Variants in PPFIA2 observed in about 807,000 individuals in gnomAD.
PPFIA2 encodes the protein liprin-alpha-2.
PPFIA2 carries 46 observed loss-of-function variants against 175.5 expected under a neutral mutation model. The ratio of observed to expected loss-of-function variants is 0.26; its 90% CI spans 0.21 to 0.34. The LOEUF (loss-of-function observed/expected upper bound fraction) is 0.34. Ranked by LOEUF, PPFIA2 falls within the 10% of genes least tolerant of loss-of-function variation. The pLI is 1.00. For missense variants in PPFIA2, 1,179 were observed against 1,506.1 expected, an observed-to-expected ratio of 0.78 and a Z score of 3.60; for synonymous variants, 568 against 511.4, an observed-to-expected ratio of 1.11 and a Z score of -1.49.
chr12:81,395,791 C>G (rs931209164), intron 8 of PPFIA2, among the ~76,000 whole-genome samples: 2 of 152,034 alleles, frequency 1.3e-5, no homozygotes, highest in Non-Finnish European at 2.9e-5. Context: ...CCTGCACAGT[C>G]TTTCCCCTTA....
chr12:81,445,301 T>C (rs1357255512), intron 6 of PPFIA2, among the ~76,000 whole-genome samples: 1 of 151,686 alleles, frequency 6.6e-6, no homozygotes, highest in Non-Finnish European at 1.5e-5. Context: ...GAAGTAGGGT[T>C]ATAATGTACC....
intron 4 of PPFIA2, among the ~76,000 whole-genome samples, chr12:81,498,361 G>A (rs2060245301): frequency 6.6e-6 from 1 of 152,058 alleles, no homozygotes. Context: ...ATTTCATCAG[G>A]TCTCCTTAGT....
intron 4 of PPFIA2, among the ~76,000 whole-genome samples, chr12:81,504,865 A>G (rs559073314): frequency 1.3e-5 from 2 of 152,284 alleles, no homozygotes; most frequent in East Asian, 3.9e-4. Context: ...GAAGCCGGAA[A>G]CCATCATTCT....
chr12:81,738,282 G>A, intron 3 of PPFIA2, among the ~76,000 whole-genome samples: 1 of 151,902 alleles, frequency 6.6e-6, no homozygotes, highest in East Asian at 1.9e-4. Context: ...CAGGAATAAA[G>A]GTGAAGTAAA....
At chr12:81,379,173 T>A (rs950644804) in intron 9 of PPFIA2, among the ~76,000 whole-genome samples, 1 of 152,092 alleles carries the variant, frequency 6.6e-6, no homozygotes, top group East Asian at 1.9e-4. Flanking sequence ...GATTTACAAG[T>A]CAGAGAAATA....
chr12:81,598,448 T>C, intron 4 of PPFIA2: 1 of 906,894 alleles, frequency 1.1e-6, no homozygotes, highest in Non-Finnish European at 1.3e-6. Flanking sequence ...TAACATACAG[T>C]TTCATTTCAG....
At chr12:81,427,399 A>C (rs1319291785) in intron 7 of PPFIA2, among the ~76,000 whole-genome samples, 3 of 152,068 alleles carry the variant, frequency 2.0e-5, no homozygotes, top group Non-Finnish European at 4.4e-5. Context: ...GATAACTAAA[A>C]AATGTGTGTG....
intron 4 of PPFIA2, among the ~76,000 whole-genome samples, chr12:81,557,191 A>G (rs2069032050): frequency 7.5e-6 from 1 of 132,744 alleles, no homozygotes; most frequent in Admixed American, 7.4e-5. Flanking sequence ...TAGATCTTAT[A>G]TCTACACACA....
intron 8 of PPFIA2, among the ~76,000 whole-genome samples, chr12:81,394,205 G>A (rs1047480750): frequency 6.6e-6 from 1 of 151,906 alleles, no homozygotes; most frequent in Non-Finnish European, 1.5e-5. Flanking sequence ...ATCAAGTTTT[G>A]AAAGTTTTTA....
chr12:81,363,445 A>C (rs2031814335), intron 14 of PPFIA2, among the ~76,000 whole-genome samples: 1 of 151,602 alleles, frequency 6.6e-6, no homozygotes, highest in Non-Finnish European at 1.5e-5. Flanking sequence ...TCTGGTCTAT[A>C]AATTTATGAA....
intron 8 of PPFIA2, among the ~76,000 whole-genome samples, chr12:81,389,264 ATGTT>A (rs906550006): frequency 2.0e-5 from 3 of 150,832 alleles, no homozygotes; most frequent in Admixed American, 6.6e-5. Flanking sequence ...AATTTGAAAA[ATGTT>A]TGTTCCAATT....
chr12:81,393,553 A>G (rs527562633), intron 8 of PPFIA2, among the ~76,000 whole-genome samples: 25 of 152,170 alleles, frequency 1.6e-4, no homozygotes, highest in African/African-American at 5.8e-4. Context: ...AGAGTGGAGG[A>G]GGAAGATATT....
chr12:81,706,488 T>C (rs1204551766), intron 3 of PPFIA2, among the ~76,000 whole-genome samples: 1 of 152,216 alleles, frequency 6.6e-6, no homozygotes, highest in Non-Finnish European at 1.5e-5. Context: ...CAAAAATGCA[T>C]ATATTTTTTA....
At chr12:81,624,437 A>G (rs1340742653) in intron 4 of PPFIA2, among the ~76,000 whole-genome samples, 1 of 147,012 alleles carries the variant, frequency 6.8e-6, no homozygotes, top group Non-Finnish European at 1.5e-5. Context: ...TTATATACAT[A>G]TATTATATGT....
At chr12:81,385,146 A>G (rs2038643182) in intron 8 of PPFIA2, among the ~76,000 whole-genome samples, 1 of 152,134 alleles carries the variant, frequency 6.6e-6, no homozygotes, top group Non-Finnish European at 1.5e-5. Context: ...GCAAATTAAA[A>G]CCACGATGAG....
At chr12:81,607,804 G>A (rs1444972072) in intron 4 of PPFIA2, among the ~76,000 whole-genome samples, 1 of 152,008 alleles carries the variant, frequency 6.6e-6, no homozygotes, top group East Asian at 1.9e-4. Flanking sequence ...TTATTTGAAT[G>A]CTCTGGCTAA....
intron 4 of PPFIA2, among the ~76,000 whole-genome samples, chr12:81,637,402 C>A (rs1595867109): frequency 1.3e-5 from 2 of 151,704 alleles, no homozygotes; most frequent in African/African-American, 4.8e-5. Context: ...CCGTGCCCAG[C>A]CAACAATTTC....
At position 81,740,929 on chromosome 12, in the gene PPFIA2, G is replaced by A. The variant is rs566587476; in HGVS notation, c.249+13044C>T. Among the ~76,000 whole-genome samples the A allele has an allele frequency of 1.7e-3, 262 of 152,074 alleles. 3 individuals carry two copies. The Middle Eastern group carries it at 0.028, about 16-fold the overall frequency. On this transcript the variant is annotated intron_variant, in intron 3 of 32. Coordinates refer to ENST00000549396, the MANE Select transcript of PPFIA2 (RefSeq NM_003625.5). ...TTTGTCCTTCCACAAACTGAAAGTC[G>A]GATATAGATAATAAATAGTGGTAGC...
intron 4 of PPFIA2, among the ~76,000 whole-genome samples, chr12:81,659,392 A>C (rs1210275912): frequency 6.6e-6 from 1 of 152,168 alleles, no homozygotes; most frequent in Admixed American, 6.6e-5. Context: ...AGCAAACGGC[A>C]CACCCAGAGA....
Sources: allele counts gnomAD v4.1 joint callset (sites outside exome capture counted in the v4.1 genomes callset), GRCh38; gene constraint gnomAD v4.1.1; transcripts MANE v1.5; gene names NCBI Gene and HGNC (gene_info 2026-07-23, HGNC 2026-07-21).